The following MCPH1 variants were observed in gnomAD, a reference collection of about 807,000 sequenced individuals.
The protein encoded by MCPH1 is microcephalin 1.
Under a neutral mutation model 84.5 loss-of-function variants are expected in MCPH1, and 104 were observed. That is an observed-to-expected ratio of 1.23 (90% CI 1.05 to 1.45). The LOEUF (loss-of-function observed/expected upper bound fraction) is 1.45, where lower values mean the gene tolerates loss of function less well. Ranked by LOEUF, MCPH1 falls within the 40% of genes most tolerant of loss-of-function variation. The pLI is 0.00. For synonymous variants in MCPH1, 514 were observed against 366.8 expected, an observed-to-expected ratio of 1.40 and a Z score of -4.58; for missense variants, 1,498 against 1,005.7, an observed-to-expected ratio of 1.49 and a Z score of -6.62.
rs372754623 is a variant in MCPH1 at position 6,590,370 on chromosome 8, T to C, written c.2215-31084T>C. 7.9e-5 allele frequency among the ~76,000 whole-genome samples: 12 copies of C among 152,174 alleles called. No homozygotes were observed. In the East Asian group the frequency reaches 2.1e-3, roughly 27 times the overall value. Reference sequence around the variant, plus strand: ...AGTGAATGGAAACATTTGGTTTATGTTTTCTGGAATGTCTCATAAGCCATT... The same window carrying C: ...AGTGAATGGAAACATTTGGTTTATGCTTTCTGGAATGTCTCATAAGCCATT... On this transcript the variant is annotated intron_variant, in intron 12 of 13. Coordinates refer to ENST00000344683, the MANE Select transcript of MCPH1 (RefSeq NM_024596.5).
intron 12 of MCPH1, among the ~76,000 whole-genome samples, chr8:6,533,575 T>C (rs893589809): frequency 6.4e-5 from 8 of 124,096 alleles, no homozygotes; most frequent in African/African-American, 2.6e-4. Flanking sequence ...GTTTCTTTTT[T>C]TTTTTTTTTT....
chr8:6,475,703 C>T (rs1330867812), intron 9 of MCPH1, among the ~76,000 whole-genome samples: 2 of 152,182 alleles, frequency 1.3e-5, no homozygotes, highest in East Asian at 3.9e-4. Flanking sequence ...GACCCATGGG[C>T]CACCACCTTT....
Position 6,423,185 on chromosome 8 carries a change from CTTTTCT to C in MCPH1, c.233+8307_234-8304del, listed in dbSNP as rs1259477045. Among the ~76,000 whole-genome samples, 708 of 110,802 alleles carry C rather than the reference CTTTTCT, an allele frequency of 6.4e-3. 15 individuals carry two copies. The highest frequency in any genetic ancestry group is 0.016 in the African/African-American group (520 of 32,022). The allele number at this position is 110,802 out of a possible 152,430, so 72.7% of individuals were successfully genotyped here. A position where few individuals can be genotyped will look rare whatever the true frequency, so the allele number is the denominator to read the frequency against. On this transcript the variant is annotated intron_variant, in intron 3 of 13. Coordinates refer to ENST00000344683, the MANE Select transcript of MCPH1 (RefSeq NM_024596.5). ...CTTAATCTTTTGGCATTTTTCTTTT[CTTTTCT>C]TTTTTTTTTTTTTTTTGAAACTGAG...
chr8:6,641,127 A>G (rs1190433004), intron 13 of MCPH1, among the ~76,000 whole-genome samples: 1 of 152,164 alleles, frequency 6.6e-6, no homozygotes, highest in Non-Finnish European at 1.5e-5. Flanking sequence ...TAGAATAAAC[A>G]TGTCGTTTTC....
At chr8:6,500,986 G>C (rs574734402) in intron 12 of MCPH1, 2 of 152,244 alleles carry the variant, frequency 1.3e-5, no homozygotes, top group East Asian at 1.9e-4. Context: ...CTAGAAACTT[G>C]TTGTTGTCTT....
chr8:6,510,734 T>C (rs1167689232), intron 12 of MCPH1, among the ~76,000 whole-genome samples: 1 of 152,160 alleles, frequency 6.6e-6, no homozygotes, highest in African/African-American at 2.4e-5. Context: ...TAAACAGAGA[T>C]GTTTGTTTGT....
chr8:6,613,067 G>A (rs773261297), intron 12 of MCPH1, among the ~76,000 whole-genome samples: 8 of 152,222 alleles, frequency 5.3e-5, no homozygotes, highest in African/African-American at 1.7e-4. Context: ...CCTGCTGGGG[G>A]ATCGGCCTTC....
intron 13 of MCPH1, among the ~76,000 whole-genome samples, chr8:6,627,903 G>T (rs1246412447): frequency 6.7e-6 from 1 of 148,610 alleles, no homozygotes; most frequent in Non-Finnish European, 1.5e-5. Context: ...AAATATATAT[G>T]TGTTTATATA....
At chr8:6,538,614 A>C (rs2129573102) in intron 12 of MCPH1, among the ~76,000 whole-genome samples, 1 of 152,202 alleles carries the variant, frequency 6.6e-6, no homozygotes, top group African/African-American at 2.4e-5. Flanking sequence ...CTCCTCCTTG[A>C]GTCTTCTCTT....
intron 9 of MCPH1, among the ~76,000 whole-genome samples, chr8:6,465,947 G>GCATC (rs1165249380): frequency 1.1e-4 from 16 of 150,374 alleles, no homozygotes; most frequent in African/African-American, 4.0e-4. Flanking sequence ...ATCCATCCAT[G>GCATC]CATCCATCCA....
chr8:6,554,193 T>G (rs1281867604), intron 12 of MCPH1, among the ~76,000 whole-genome samples: 2 of 150,682 alleles, frequency 1.3e-5, no homozygotes, highest in African/African-American at 4.9e-5. Context: ...ATAGCCCACC[T>G]CAAGTCATCA....
At chr8:6,641,944 G>T (rs182921093) in intron 13 of MCPH1, among the ~76,000 whole-genome samples, 26 of 152,168 alleles carry the variant, frequency 1.7e-4, no homozygotes, top group Non-Finnish European at 2.8e-4. Flanking sequence ...ACTGACCCAG[G>T]CCTCCTGGGT....
chr8:6,424,315 T>G (rs1336748946), intron 3 of MCPH1, among the ~76,000 whole-genome samples: 3 of 152,188 alleles, frequency 2.0e-5, no homozygotes, highest in African/African-American at 7.2e-5. Flanking sequence ...GGGAATACGG[T>G]TCACAGGCTT....
chr8:6,440,895 T>C (rs1305657141), intron 6 of MCPH1, among the ~76,000 whole-genome samples: 2 of 152,228 alleles, frequency 1.3e-5, no homozygotes, highest in African/African-American at 4.8e-5. Context: ...TCTTGCCTAG[T>C]TCAGAAGTAG....
rs73515103 is a variant in MCPH1 at position 6,622,995 on chromosome 8, G to T, written c.2452+1304G>T. ...AGCTGGAACTACAGGTGCACACCAC[G>T]ATGCCCAGCTTTACTTTCTTTTTTT... is the stretch of plus-strand genomic sequence containing the variant. On this transcript the variant is annotated intron_variant, in intron 13 of 13. Transcript: ENST00000344683. Among the ~76,000 whole-genome samples the T allele has an allele frequency of 5.5e-3, 824 of 149,404 alleles. 5 individuals are homozygous for T. Among genetic ancestry groups the T allele is most frequent in the African/African-American group, 0.019 (784 of 40,558 alleles).
intron 4 of MCPH1, among the ~76,000 whole-genome samples, chr8:6,435,082 G>C (rs915100376): frequency 6.6e-6 from 1 of 152,208 alleles, no homozygotes; most frequent in African/African-American, 2.4e-5. Context: ...GTGGATATCA[G>C]CCTGGGGTTT....
chr8:6,547,628 G>T (rs540591173), intron 12 of MCPH1, among the ~76,000 whole-genome samples: 1 of 152,222 alleles, frequency 6.6e-6, no homozygotes, highest in African/African-American at 2.4e-5. Flanking sequence ...AGGGGCACAT[G>T]TTCCTATCAA....
In MCPH1 at chr8:6,526,990, AT is replaced by A. The variant is rs1425630798; in HGVS notation, c.2214+27063del. Among the ~76,000 whole-genome samples the A allele has an allele frequency of 2.0e-5, 3 of 152,202 alleles. No homozygotes were observed. The East Asian group carries it at 5.8e-4, about 29-fold the overall frequency. ...TTTATCGTGTGTTTGAAGAGGAAACATTGGATCATAAAATGTGCATTGGCTT... is the reference window on the plus strand; with the variant it reads ...TTTATCGTGTGTTTGAAGAGGAAACATGGATCATAAAATGTGCATTGGCTT... On this transcript the variant is annotated intron_variant, in intron 12 of 13. Coordinates refer to ENST00000344683, the MANE Select transcript of MCPH1 (RefSeq NM_024596.5).
intron 3 of MCPH1, among the ~76,000 whole-genome samples, chr8:6,426,612 GTTA>G (rs1433600316): frequency 1.3e-5 from 2 of 152,292 alleles, no homozygotes; most frequent in Admixed American, 1.3e-4. Context: ...GCCATTTTAG[GTTA>G]TTATGAATAA....
Sources: gnomAD v4.1 joint callset for allele counts (sites outside exome capture counted in the v4.1 genomes callset) on GRCh38, gnomAD v4.1.1 for gene constraint, MANE v1.5 for transcripts, NCBI Gene and HGNC (gene_info 2026-07-23, HGNC 2026-07-21) for gene names.